PRKACB: variants seen among roughly 807,000 people sequenced by gnomAD.
The protein encoded by PRKACB is protein kinase cAMP-activated catalytic subunit beta, also known as cAMP-dependent protein kinase catalytic subunit beta.
In PRKACB, 16 loss-of-function variants were observed where a neutral mutation model predicts 51.4. The ratio of observed to expected loss-of-function variants is 0.31; its 90% confidence interval spans 0.21 to 0.47. The LOEUF (loss-of-function observed/expected upper bound fraction) is 0.47. Among genes scored for constraint, PRKACB ranks in the 20% least tolerant of loss-of-function variants. PRKACB has a pLI of 1.00. For missense variants in PRKACB, 309 were observed against 464.5 expected (o/e 0.67, Z 3.08); for synonymous variants, 147 against 154.4 (o/e 0.95, Z 0.35).
intron 9 of PRKACB, among the ~76,000 whole-genome samples, chr1:84,222,166 A>T (rs1673833061): frequency 6.6e-6 from 1 of 152,122 alleles, no homozygotes; most frequent in South Asian, 2.1e-4. Context: ...CTTTATCATT[A>T]TATTATGACC....
intron 1 of PRKACB, among the ~76,000 whole-genome samples, chr1:84,124,080 G>T (rs1169218699): frequency 6.6e-6 from 1 of 152,086 alleles, no homozygotes. Flanking sequence ...AAAAGCTATG[G>T]TATCTTGAAG....
intron 1 of PRKACB, among the ~76,000 whole-genome samples, chr1:84,151,006 A>G (rs1005839825): frequency 1.3e-5 from 2 of 152,214 alleles, no homozygotes; most frequent in African/African-American, 2.4e-5. Context: ...ATGGTTCAAT[A>G]TAAGTATACA....
At chr1:84,104,232 T>C (rs1205822750) in intron 1 of PRKACB, among the ~76,000 whole-genome samples, 1 of 152,226 alleles carries the variant, frequency 6.6e-6, no homozygotes, top group Non-Finnish European at 1.5e-5. Context: ...ATATGGTATT[T>C]TTCTTTCTGT....
chr1:84,133,830 T>C (rs774099619), intron 1 of PRKACB, among the ~76,000 whole-genome samples: 4 of 152,042 alleles, frequency 2.6e-5, no homozygotes, highest in African/African-American at 7.2e-5. Context: ...AGTACTCTTT[T>C]AGCTTTGCCA....
chr1:84,078,312 C>T (rs781036066), exon 1 of PRKACB: 1 of 1,608,856 alleles, frequency 6.2e-7, no homozygotes, highest in Non-Finnish European at 8.5e-7. Flanking sequence ...CCCCTTCTTG[C>T]CATCGCCCCA....
chr1:84,091,950 A>T (rs1187333107), intron 1 of PRKACB, among the ~76,000 whole-genome samples: 2 of 152,160 alleles, frequency 1.3e-5, no homozygotes, highest in African/African-American at 4.8e-5. Flanking sequence ...TAACAGTGGG[A>T]GCCATAGTGG....
intron 1 of PRKACB, among the ~76,000 whole-genome samples, chr1:84,082,714 C>T (rs972774128): frequency 1.3e-5 from 2 of 152,164 alleles, no homozygotes; most frequent in African/African-American, 2.4e-5. Context: ...AGCCACATGT[C>T]TGTTGAGCAC....
At chr1:84,233,056 T>G (rs1364400439) in intron 9 of PRKACB, among the ~76,000 whole-genome samples, 1 of 151,690 alleles carries the variant, frequency 6.6e-6, no homozygotes, top group Non-Finnish European at 1.5e-5. Context: ...TGGTACCGGT[T>G]GTTCCTTTCC....
At chr1:84,199,270 C>G (rs1470128990) in intron 7 of PRKACB, among the ~76,000 whole-genome samples, 1 of 151,684 alleles carries the variant, frequency 6.6e-6, no homozygotes, top group Non-Finnish European at 1.5e-5. Context: ...GCCCAGTACC[C>G]ATAGTTATCT....
intron 9 of PRKACB, among the ~76,000 whole-genome samples, chr1:84,221,104 T>C (rs1202556001): frequency 6.6e-6 from 1 of 152,086 alleles, no homozygotes; most frequent in East Asian, 1.9e-4. Flanking sequence ...GGAATCTTTT[T>C]ATTACATATT....
intron 1 of PRKACB, among the ~76,000 whole-genome samples, chr1:84,079,605 G>T (rs1426385299): frequency 6.6e-6 from 1 of 152,148 alleles, no homozygotes; most frequent in Non-Finnish European, 1.5e-5. Flanking sequence ...TATAAGCCAA[G>T]AACACACAGC....
intron 1 of PRKACB, among the ~76,000 whole-genome samples, chr1:84,090,451 A>T (rs1468787617): frequency 6.6e-6 from 1 of 152,196 alleles, no homozygotes. Context: ...GAAAGTAAGT[A>T]ATTTGGGCAG....
intron 1 of PRKACB, among the ~76,000 whole-genome samples, chr1:84,098,297 T>G (rs557603054): frequency 3.0e-4 from 45 of 152,252 alleles, no homozygotes; most frequent in African/African-American, 9.9e-4. Flanking sequence ...TTGCATTTTA[T>G]TCTCTTAGTT....
chr1:84,105,774 T>TGAC (rs1649691343), intron 1 of PRKACB, among the ~76,000 whole-genome samples: 1 of 151,894 alleles, frequency 6.6e-6, no homozygotes, highest in Non-Finnish European at 1.5e-5. Context: ...GATGGGATTT[T>TGAC]GACGTATTGG....
intron 7 of PRKACB, among the ~76,000 whole-genome samples, chr1:84,200,412 A>G (rs542419610): frequency 6.6e-6 from 1 of 152,244 alleles, no homozygotes; most frequent in South Asian, 2.1e-4. Flanking sequence ...TGGTTTGCAA[A>G]TATTTTCTCC....
intron 1 of PRKACB, among the ~76,000 whole-genome samples, chr1:84,133,813 T>C (rs548398870): frequency 6.6e-6 from 1 of 152,344 alleles, no homozygotes; most frequent in South Asian, 2.1e-4. Context: ...GAAGTAATGT[T>C]ACAGTCAGTA....
At chr1:84,182,124 T>C in intron 2 of PRKACB, 76 bp from the exon 3 acceptor site, 3 of 1,060,546 alleles carry the variant, frequency 2.8e-6, no homozygotes, top group Non-Finnish European at 3.8e-6. Context: ...ATTATGATTA[T>C]GTATTATTAA....
intron 1 of PRKACB, among the ~76,000 whole-genome samples, chr1:84,112,140 A>G (rs1650278767): frequency 6.6e-6 from 1 of 152,094 alleles, no homozygotes; most frequent in African/African-American, 2.4e-5. Flanking sequence ...GTGATGCAGT[A>G]ATGTATATCC....
Position 84,195,936 on chromosome 1 carries a change from C to T in PRKACB, c.561-680C>T, listed in dbSNP as rs547251358. Among the ~76,000 whole-genome samples the T allele has an allele frequency of 6.2e-4, 94 of 150,998 alleles. 1 individual carries two copies. The South Asian group carries it at 0.018, about 29-fold the overall frequency. ...TCAAAAAAAAAAAAAAAGAACTGTA[C>T]GTATTTACACTAACATAGAGATTAT... On this transcript the variant is annotated intron_variant, in intron 5 of 9. Transcript: ENST00000370685.
Sources: gnomAD v4.1 joint callset for allele counts (sites outside exome capture counted in the v4.1 genomes callset) on GRCh38, gnomAD v4.1.1 for gene constraint, MANE v1.5 for transcripts, NCBI Gene and HGNC (gene_info 2026-07-23, HGNC 2026-07-21) for gene names.